Variants in CLDN10 observed in about 807,000 individuals in gnomAD.
The protein encoded by CLDN10 is claudin 10.
A neutral mutation model predicts 22.9 loss-of-function variants in CLDN10; 15 were observed. The observed-to-expected ratio is 0.65, with a 90% CI of 0.44 to 1.01. The LOEUF is 1.01. Ranked by LOEUF, CLDN10 falls within the 50% of genes least tolerant of loss-of-function variation. The probability of loss-of-function intolerance (pLI) is 0.00; values close to 1 mark genes in which losing one functional copy is unlikely to be tolerated. For synonymous variants in CLDN10, 114 were observed against 111.4 expected, an observed-to-expected ratio of 1.02 and a Z score of -0.15; for missense variants, 247 against 287.8, an observed-to-expected ratio of 0.86 and a Z score of 1.03.
intron 3 of CLDN10, among the ~76,000 whole-genome samples, chr13:95,566,608 A>C (rs1478218043): frequency 1.3e-5 from 2 of 152,200 alleles, no homozygotes; most frequent in Non-Finnish European, 2.9e-5. Flanking sequence ...TTTGCTGTGC[A>C]GAAGCTCTTT....
At position 95,560,223 on chromosome 13, in the gene CLDN10, C is replaced by T. The variant is rs747316537; in HGVS notation, c.312C>T (p.Thr104=). Residue 104 remains threonine (T), a synonymous_variant, in exon 2 of 5, where the codon ACC becomes ACT. Coordinates refer to ENST00000299339, the MANE Select transcript of CLDN10 (RefSeq NM_006984.5). ...SIFALFGMKC[T]KVGGSDKAKA... is the part of the protein sequence containing the mutation. Reference sequence around the variant, plus strand: ...TTGCGCTCTTTGGAATGAAGTGTACCAAAGTCGGAGGCTCCGATAAAGCCA... The same window carrying T: ...TTGCGCTCTTTGGAATGAAGTGTACTAAAGTCGGAGGCTCCGATAAAGCCA... 6 of 1,614,024 alleles carry T rather than the reference C, an allele frequency of 3.7e-6. No homozygotes were observed. The highest frequency in any genetic ancestry group is 1.3e-5 in the African/African-American group (1 of 74,926).
intron 1 of CLDN10, among the ~76,000 whole-genome samples, chr13:95,500,598 T>C (rs1284177261): frequency 1.3e-5 from 2 of 152,106 alleles, no homozygotes; most frequent in East Asian, 3.9e-4. Context: ...AGGAGGTCTC[T>C]GGCAAGTGGA....
At position 95,577,319 on chromosome 13, in the gene CLDN10, G is replaced by T; in HGVS notation, c.553G>T (p.Asp185Tyr). The stretch of plus-strand genomic sequence containing the variant: ...TGTCATATTTTGCTTTTCAATATCT[G>T]ACAACAACAAAACACCCAGGTATGA... ...GGVIFCFSIS[D>Y]NNKTPRYTYN... Residue 185 changes from aspartate to tyrosine, a missense_variant, in exon 4 of 5, where the codon GAC becomes TAC. Coordinates refer to ENST00000299339, the MANE Select transcript of CLDN10 (RefSeq NM_006984.5). The T allele has an allele frequency of 6.2e-7, 1 of 1,612,596 alleles. No individual in the cohort carries two copies. The highest frequency in any genetic ancestry group is 8.5e-7 in the Non-Finnish European group (1 of 1,178,756).
At chr13:95,568,770 G>T (rs188428042) in intron 3 of CLDN10, among the ~76,000 whole-genome samples, 2 of 152,264 alleles carry the variant, frequency 1.3e-5, no homozygotes, top group Admixed American at 1.3e-4. Flanking sequence ...ATCTGCAGTG[G>T]TGTAGGACTG....
chr13:95,537,823 C>A (rs922318190), intron 1 of CLDN10, among the ~76,000 whole-genome samples: 11 of 152,276 alleles, frequency 7.2e-5, no homozygotes, highest in Non-Finnish European at 1.2e-4. Flanking sequence ...AAACACTCAC[C>A]GGGGTAATTT....
At chr13:95,460,274 AC>A (rs1319186327) in intron 1 of CLDN10, among the ~76,000 whole-genome samples, 1 of 152,128 alleles carries the variant, frequency 6.6e-6, no homozygotes, top group Non-Finnish European at 1.5e-5. Context: ...TCTGCCTGTT[AC>A]CCAGTTCCAA....
At chr13:95,575,976 C>G (rs1168764333) in intron 3 of CLDN10, among the ~76,000 whole-genome samples, 1 of 152,206 alleles carries the variant, frequency 6.6e-6, no homozygotes, top group Non-Finnish European at 1.5e-5. Flanking sequence ...AAAGCACGCC[C>G]TGCTTCCTGC....
intron 1 of CLDN10, among the ~76,000 whole-genome samples, chr13:95,455,468 T>C (rs1456803907): frequency 6.6e-6 from 1 of 152,192 alleles, no homozygotes; most frequent in East Asian, 1.9e-4. Flanking sequence ...TTTTCTATAA[T>C]AAACAAAATT....
exon 1 of CLDN10, chr13:95,433,874 G>T (rs2042236927): frequency 6.2e-7 from 1 of 1,614,086 alleles, no homozygotes; most frequent in South Asian, 1.1e-5. Flanking sequence ...TCTGGTGTCG[G>T]AGGGTTTGGA....
chr13:95,461,166 G>T (rs931761137), intron 1 of CLDN10, among the ~76,000 whole-genome samples: 2 of 151,486 alleles, frequency 1.3e-5, no homozygotes, highest in African/African-American at 4.8e-5. Context: ...TGCCCAGGCC[G>T]GTCTCAAACT....
intron 3 of CLDN10, among the ~76,000 whole-genome samples, chr13:95,574,496 G>A (rs1161570459): frequency 6.6e-6 from 1 of 152,212 alleles, no homozygotes; most frequent in Non-Finnish European, 1.5e-5. Context: ...AGGGCCACGT[G>A]TGGTGGTTCA....
chr13:95,561,425 A>C (rs989155007), intron 3 of CLDN10, among the ~76,000 whole-genome samples: 1 of 152,216 alleles, frequency 6.6e-6, no homozygotes, highest in Non-Finnish European at 1.5e-5. Flanking sequence ...TATATCATGA[A>C]ATAAAATGAA....
intron 4 of CLDN10, 112 bp downstream of exon 4, chr13:95,577,450 C>T (rs904856324): frequency 4.8e-5 from 36 of 749,972 alleles, no homozygotes; most frequent in African/African-American, 2.1e-4. Context: ...TTCCAAAATC[C>T]GGAATTGGAA....
chr13:95,549,344 G>A (rs1250933695), upstream of CLDN10, among the ~76,000 whole-genome samples: 1 of 152,192 alleles, frequency 6.6e-6, no homozygotes. Context: ...TTTATCAGTC[G>A]AAAGTACTCT....
intron 1 of CLDN10, among the ~76,000 whole-genome samples, chr13:95,514,754 T>C (rs1282653120): frequency 6.6e-6 from 1 of 151,992 alleles, no homozygotes. Context: ...GGAAAGCCCT[T>C]TAAGGGGTTG....
chr13:95,552,766 G>C lies in CLDN10; in HGVS notation c.13G>C (p.Ala5Pro), dbSNP rs1329246552. 1 of 1,612,082 alleles carries C rather than the reference G, an allele frequency of 6.2e-7. No homozygotes were observed. Among genetic ancestry groups the C allele is most frequent in the African/African-American group, 1.3e-5 (1 of 74,920 alleles). The change falls in exon 1 of 5, where the codon GCT becomes CCT. Residue 5 changes from alanine (A) to proline (P), a missense_variant. Coordinates refer to ENST00000299339, the MANE Select transcript of CLDN10 (RefSeq NM_006984.5). MAST[A>P]SEIIAFMVSI... Reference sequence around the variant, plus strand: ...TGCAGCCGGCGGCATGGCTAGCACGGCTTCGGAGATCATCGCCTTCATGGT... The same window carrying C: ...TGCAGCCGGCGGCATGGCTAGCACGCCTTCGGAGATCATCGCCTTCATGGT...
At chr13:95,543,167 G>A (rs1020523832) in intron 1 of CLDN10, among the ~76,000 whole-genome samples, 1 of 152,190 alleles carries the variant, frequency 6.6e-6, no homozygotes, top group African/African-American at 2.4e-5. Context: ...GGGAGGCAGA[G>A]GTTACGGTGA....
chr13:95,480,339 G>A (rs993610356), intron 1 of CLDN10, among the ~76,000 whole-genome samples: 2 of 152,166 alleles, frequency 1.3e-5, no homozygotes, highest in South Asian at 4.1e-4. Flanking sequence ...CACTTCCTTC[G>A]GTAGAGCAGT....
At chr13:95,489,545 A>T (rs527646722) in intron 1 of CLDN10, among the ~76,000 whole-genome samples, 2 of 152,056 alleles carry the variant, frequency 1.3e-5, no homozygotes, top group South Asian at 4.2e-4. Flanking sequence ...CTGTCTGTTC[A>T]TGTCCTTGGG....
Sources: allele counts gnomAD v4.1 joint callset (sites outside exome capture counted in the v4.1 genomes callset), GRCh38; gene constraint gnomAD v4.1.1; transcripts MANE v1.5; gene names NCBI Gene and HGNC (gene_info 2026-07-23, HGNC 2026-07-21).